The following LRRTM4 variants were observed in gnomAD, a reference collection of about 807,000 sequenced individuals.
LRRTM4 encodes the protein leucine rich repeat transmembrane neuronal 4.
Under a neutral mutation model 47.6 loss-of-function variants are expected in LRRTM4, and 25 were observed. The observed-to-expected ratio is 0.53, with a 90% confidence interval of 0.38 to 0.73. LRRTM4 has a LOEUF of 0.73. Ranked by LOEUF, LRRTM4 falls within the 30% of genes least tolerant of loss-of-function variation. The pLI is 0.00. For synonymous variants in LRRTM4, 311 were observed against 269.5 expected, an observed-to-expected ratio of 1.15 and a Z score of -1.51; for missense variants, 638 against 713.4, an observed-to-expected ratio of 0.89 and a Z score of 1.20.
At chr2:76,834,190 G>A (rs1376245917) in intron 3 of LRRTM4, among the ~76,000 whole-genome samples, 3 of 148,524 alleles carry the variant, frequency 2.0e-5, no homozygotes, top group East Asian at 2.0e-4. Context: ...ACAGGTGCCC[G>A]CCAGCATGCC....
chr2:77,409,605 C>CT (rs1020870904), intron 3 of LRRTM4, among the ~76,000 whole-genome samples: 1 of 152,088 alleles, frequency 6.6e-6, no homozygotes, highest in South Asian at 2.1e-4. Context: ...CACTTTAAGA[C>CT]TTTTTTTCTT....
chr2:77,506,038 T>C (rs1239099498), intron 3 of LRRTM4, among the ~76,000 whole-genome samples: 2 of 151,560 alleles, frequency 1.3e-5, no homozygotes, highest in Non-Finnish European at 3.0e-5. Flanking sequence ...TGGAATTTAG[T>C]GGTTGGAGCA....
intron 3 of LRRTM4, among the ~76,000 whole-genome samples, chr2:77,330,609 C>T (rs1000743607): frequency 6.6e-6 from 1 of 151,990 alleles, no homozygotes; most frequent in African/African-American, 2.4e-5. Flanking sequence ...CATGTATAAT[C>T]TGAGTTCTAT....
chr2:76,946,895 C>T (rs902109664), intron 3 of LRRTM4, among the ~76,000 whole-genome samples: 1 of 151,808 alleles, frequency 6.6e-6, no homozygotes, highest in African/African-American at 2.4e-5. Context: ...TATGTCTGGT[C>T]TGCCAAATGA....
At chr2:77,085,581 G>A (rs921045738) in intron 3 of LRRTM4, among the ~76,000 whole-genome samples, 4 of 151,928 alleles carry the variant, frequency 2.6e-5, no homozygotes, top group African/African-American at 9.7e-5. Flanking sequence ...AAAAAATACT[G>A]CCAATATGCC....
chr2:76,893,057 C>CAA (rs5832261), intron 3 of LRRTM4, among the ~76,000 whole-genome samples: 1 of 138,298 alleles, frequency 7.2e-6, no homozygotes, highest in African/African-American at 2.6e-5. Context: ...AGAAAACAAG[C>CAA]AAAAAAAAAA....
chr2:77,067,164 G>C (rs1004113340), intron 3 of LRRTM4, among the ~76,000 whole-genome samples: 2 of 152,140 alleles, frequency 1.3e-5, no homozygotes, highest in Non-Finnish European at 2.9e-5. Context: ...TATCTGGCAG[G>C]AGACAATCTG....
At chr2:76,820,252 C>T (rs769447161) in intron 3 of LRRTM4, among the ~76,000 whole-genome samples, 23 of 151,762 alleles carry the variant, frequency 1.5e-4, no homozygotes, top group Admixed American at 2.6e-4. Flanking sequence ...GTCCATTTCG[C>T]TGCTTTATAG....
intron 3 of LRRTM4, among the ~76,000 whole-genome samples, chr2:76,798,024 A>C (rs1675443361): frequency 6.8e-6 from 1 of 146,608 alleles, no homozygotes; most frequent in Non-Finnish European, 1.5e-5. Context: ...CCCCACTGTC[A>C]ACATTAGACA....
chr2:76,888,761 A>G (rs1030684094), intron 3 of LRRTM4, among the ~76,000 whole-genome samples: 3 of 151,546 alleles, frequency 2.0e-5, no homozygotes, highest in Admixed American at 6.6e-5. Flanking sequence ...TTTTGCTCCT[A>G]TGTAGACATA....
At chr2:77,388,383 C>T (rs1446099060) in intron 3 of LRRTM4, among the ~76,000 whole-genome samples, 2 of 152,052 alleles carry the variant, frequency 1.3e-5, no homozygotes, top group Non-Finnish European at 2.9e-5. Flanking sequence ...ACTGTGACAG[C>T]AATACAGAAG....
intron 3 of LRRTM4, among the ~76,000 whole-genome samples, chr2:76,837,936 TG>T (rs1236295420): frequency 1.5e-4 from 20 of 136,586 alleles, no homozygotes; most frequent in Admixed American, 7.6e-5. Context: ...GGGACTGTTG[TG>T]GGGTGGGGGT....
At chr2:76,819,039 A>G (rs1199904067) in intron 3 of LRRTM4, among the ~76,000 whole-genome samples, 1 of 151,830 alleles carries the variant, frequency 6.6e-6, no homozygotes, top group Non-Finnish European at 1.5e-5. Context: ...TTATTGAAAT[A>G]AGAATATTGC....
Position 76,961,676 on chromosome 2 carries a change from C to T in LRRTM4, c.1552-212760G>A, listed in dbSNP as rs965108805. On this transcript the variant is annotated intron_variant, in intron 3 of 3. Transcript: ENST00000409884. The stretch of plus-strand genomic sequence containing the variant: ...ATTAATGAATACTTTTACATTAGGG[C>T]GTCACTTCAGATTCCTGATCGTCAG... Among the ~76,000 whole-genome samples, 3 of 151,276 alleles carry T rather than the reference C, an allele frequency of 2.0e-5. No homozygotes were observed. In the East Asian group the frequency reaches 5.9e-4, roughly 30 times the overall value.
intron 3 of LRRTM4, among the ~76,000 whole-genome samples, chr2:77,282,166 G>A (rs1676523950): frequency 6.6e-6 from 1 of 151,764 alleles, no homozygotes; most frequent in Non-Finnish European, 1.5e-5. Context: ...TCCTTGGTTA[G>A]ATTTATTCCT....
At chr2:77,364,430 G>C (rs1389880285) in intron 3 of LRRTM4, among the ~76,000 whole-genome samples, 2 of 152,130 alleles carry the variant, frequency 1.3e-5, no homozygotes, top group African/African-American at 4.8e-5. Context: ...GTTACCAGCA[G>C]AGGACTAAAT....
chr2:76,802,666 A>G (rs1431885239), intron 3 of LRRTM4, among the ~76,000 whole-genome samples: 1 of 152,110 alleles, frequency 6.6e-6, no homozygotes, highest in African/African-American at 2.4e-5. Context: ...TCTTGGTCCA[A>G]AAGAACAAAG....
intron 3 of LRRTM4, among the ~76,000 whole-genome samples, chr2:77,379,472 C>T (rs529567667): frequency 2.6e-5 from 4 of 152,232 alleles, no homozygotes; most frequent in South Asian, 2.1e-4. Context: ...TTCCCACACA[C>T]GGCATGTTGT....
In LRRTM4 at chr2:76,926,110, C is replaced by T. The variant is rs573623283; in HGVS notation, c.1552-177194G>A. Reference sequence around the variant, plus strand: ...CTAAGTGAATTTGTTCAAAATTCTACTTTTCATAAATTGATAAATAAAATT... The same window carrying T: ...CTAAGTGAATTTGTTCAAAATTCTATTTTTCATAAATTGATAAATAAAATT... On this transcript the variant is annotated intron_variant, in intron 3 of 3. Coordinates refer to ENST00000409884, the MANE Select transcript of LRRTM4 (RefSeq NM_001134745.3). Among the ~76,000 whole-genome samples, 852 of 152,228 alleles carry T rather than the reference C, an allele frequency of 5.6e-3. 9 individuals are homozygous for T. The highest frequency in any genetic ancestry group is 0.02 in the African/African-American group (817 of 41,556).
Sources: allele counts gnomAD v4.1 joint callset (sites outside exome capture counted in the v4.1 genomes callset), GRCh38; gene constraint gnomAD v4.1.1; transcripts MANE v1.5; gene names NCBI Gene and HGNC (gene_info 2026-07-23, HGNC 2026-07-21).